UCKL1: variants seen among roughly 807,000 people sequenced by gnomAD.
UCKL1 encodes the protein uridine-cytidine kinase 1 like 1.
A neutral mutation model predicts 59.2 loss-of-function variants in UCKL1; 65 were observed. That is an observed-to-expected ratio of 1.10 (90% CI 0.90 to 1.35). The LOEUF is 1.35. Among genes scored for constraint, UCKL1 ranks in the 40% most tolerant of loss-of-function variants. UCKL1 has a pLI of 0.00. For synonymous variants in UCKL1, 410 were observed against 323.1 expected (o/e 1.27, Z -2.88); for missense variants, 703 against 784.3 (o/e 0.90, Z 1.24).
intron 8 of UCKL1, chr20:63,942,441 ACAG>A: frequency 3.4e-6 from 4 of 1,172,118 alleles, no homozygotes; most frequent in Non-Finnish European, 4.3e-6. Context: ...GGCGGGTCAC[ACAG>A]CAGCACCACG....
rs2146532781 is a variant in UCKL1 at position 63,946,191 on chromosome 20, C to T, written c.381G>A (p.Val127=). 6.2e-7 allele frequency: 1 copy of T among 1,612,040 alleles called. No homozygotes were observed. The highest frequency in any genetic ancestry group is 8.5e-7 in the Non-Finnish European group (1 of 1,179,602). The part of the protein sequence containing the change: ...MIIEALDVPW[V]VLLSMDSFYK... ...AGAAGGAGTCCATGGACAGCAAGAC[C>T]ACCCAGGGCACATCCAGGGCCTCGA... Residue 127 remains valine (V), a synonymous_variant, in exon 3 of 15, where the codon GTG becomes GTA. Transcript: ENST00000354216.
In UCKL1 at chr20:63,941,181, G is replaced by A. The variant is rs1425711195; in HGVS notation, c.951C>T (p.Cys317=). 1.3e-6 allele frequency: 2 copies of A among 1,562,200 alleles called. No homozygotes were observed. The highest frequency in any genetic ancestry group is 1.9e-5 in the Admixed American group (1 of 53,130). ...CGCTCAGCGTCCGGGGCAGCGGGTGGCACTGGTGTGCCGAGGCCAGCGCAG... is the reference window on the plus strand; with the variant it reads ...CGCTCAGCGTCCGGGGCAGCGGGTGACACTGGTGTGCCGAGGCCAGCGCAG... ...VRAALASAHQ[C]HPLPRTLSVL... is the part of the protein sequence containing the mutation. Residue 317 remains cysteine, a synonymous_variant, in exon 9 of 15, where the codon TGC becomes TGT. Transcript: ENST00000354216.
intron 8 of UCKL1, among the ~76,000 whole-genome samples, chr20:63,943,175 G>A (rs1486918395): frequency 6.6e-6 from 1 of 152,250 alleles, no homozygotes; most frequent in Non-Finnish European, 1.5e-5. Flanking sequence ...CGAGGACAGA[G>A]CTGGGGCAAG....
chr20:63,955,972 C>T (rs990696634), intron 1 of UCKL1: 5 of 292,970 alleles, frequency 1.7e-5, no homozygotes, highest in South Asian at 1.2e-4. Flanking sequence ...GCGCTCGAGG[C>T]CGAGGGCCCC....
chr20:63,946,749 T>C, intron 1 of UCKL1, 106 bp from the exon 2 acceptor site: 1 of 1,235,840 alleles, frequency 8.1e-7, no homozygotes, highest in South Asian at 1.4e-5. Context: ...TCAACAGGCA[T>C]GGCTGAGGCG....
At chr20:63,952,312 G>A (rs933804378) in intron 1 of UCKL1, among the ~76,000 whole-genome samples, 7 of 152,232 alleles carry the variant, frequency 4.6e-5, no homozygotes, top group Non-Finnish European at 7.3e-5. Context: ...TGCCCTAGCC[G>A]GCCAAGAGGC....
At chr20:63,946,815 T>C (rs564207396) in intron 1 of UCKL1, among the ~76,000 whole-genome samples, 172 bp from the exon 2 acceptor site, 79 of 152,150 alleles carry the variant, frequency 5.2e-4, no homozygotes, top group East Asian at 1.7e-3. Context: ...TGGTGGCTCA[T>C]GCCTGTAATC....
At position 63,945,656 on chromosome 20, in the gene UCKL1, A is replaced by G; in HGVS notation, c.649T>C (p.Leu217=). The change falls in exon 5 of 15, where the codon TTG becomes CTG. Residue 217 remains leucine (L), a synonymous_variant. Transcript: ENST00000354216. ...GIMAFADKTL[L]ELLDMKIFVD... The stretch of plus-strand genomic sequence containing the variant: ...TATTCCCGGCGGGTGCTTACCTCCA[A>G]CAGTGTCTTGTCAGCAAAGGCCATG... 1.2e-6 allele frequency: 2 copies of G among 1,612,904 alleles called. No individual in the cohort carries two copies. The highest frequency in any genetic ancestry group is 8.5e-7 in the Non-Finnish European group (1 of 1,179,830).
At chr20:63,941,375 C>A (rs2054348380) in intron 8 of UCKL1, 167 bp from the exon 9 acceptor site, 2 of 1,074,724 alleles carry the variant, frequency 1.9e-6, no homozygotes, top group Admixed American at 2.7e-5. Flanking sequence ...GGGGAGACGT[C>A]GCCCTACCTG....
chr20:63,951,284 T>A, intron 1 of UCKL1: 1 of 827,030 alleles, frequency 1.2e-6, no homozygotes, highest in Non-Finnish European at 1.5e-6. Flanking sequence ...AACTGCCCCC[T>A]CCTGTGTGTG....
At position 63,944,652 on chromosome 20, in the gene UCKL1, C is replaced by G; in HGVS notation, c.737G>C (p.Gly246Ala). 1 of 1,612,886 alleles carries G rather than the reference C, an allele frequency of 6.2e-7. No individual in the cohort carries two copies. Among genetic ancestry groups the G allele is most frequent in the East Asian group, 2.2e-5 (1 of 44,886 alleles). Residue 246 changes from glycine (G) to alanine (A), a missense_variant, in exon 6 of 15, where the codon GGC becomes GCC. Physicochemically the swap from Gly to Ala is moderately conservative, Grantham distance 60. This residue lies in a region of UCKL1 where 398 missense variants were observed against 373.0 expected (regional missense o/e 1.07). Coordinates refer to ENST00000354216, the MANE Select transcript of UCKL1 (RefSeq NM_017859.4). ...CTTGATGACACCCTCGATGTCCCGG[C>G]CGCGCTCACTGATGTCCCGGCGCAG... ...RRLRRDISER[G>A]RDIEGVIKQY...
chr20:63,950,640 A>G, intron 1 of UCKL1: 1 of 1,207,160 alleles, frequency 8.3e-7, no homozygotes, highest in African/African-American at 1.6e-5. Flanking sequence ...GCCCGAGAGC[A>G]CCTGCCAGCC....
At chr20:63,942,681 T>A in intron 8 of UCKL1, 1 of 503,284 alleles carries the variant, frequency 2.0e-6, no homozygotes, top group Non-Finnish European at 4.1e-6. Context: ...GACCAAGGCT[T>A]CCTGGGGCTG....
intron 8 of UCKL1, chr20:63,942,685 G>A (rs766727538): frequency 4.0e-6 from 2 of 501,858 alleles, no homozygotes; most frequent in Non-Finnish European, 8.3e-6. Flanking sequence ...AAGGCTTCCT[G>A]GGGCTGAAGG....
At chr20:63,950,864 T>C (rs1242834315) in intron 1 of UCKL1, 1 of 1,476,392 alleles carries the variant, frequency 6.8e-7, no homozygotes, top group Non-Finnish European at 9.0e-7. Context: ...AACAGCAGAG[T>C]GGCCCCAGGG....
chr20:63,947,207 G>A (rs958871405), intron 1 of UCKL1, among the ~76,000 whole-genome samples: 1 of 152,200 alleles, frequency 6.6e-6, no homozygotes, highest in African/African-American at 2.4e-5. Flanking sequence ...CAGCAAACAA[G>A]GACAAGGGAA....
rs375190646 is a variant in UCKL1, at chr20:63,940,124, C to T, written c.1567+26G>A. ...GGGCCACCCACCCTGCCCTCATGTGCGGCTGAAGGGCCCGGGCAGCCTCAC... is the reference window on the plus strand; with the variant it reads ...GGGCCACCCACCCTGCCCTCATGTGTGGCTGAAGGGCCCGGGCAGCCTCAC... On this transcript the variant is annotated intron_variant, in intron 14 of 14. Coordinates refer to ENST00000354216, the MANE Select transcript of UCKL1 (RefSeq NM_017859.4). 1.1e-4 allele frequency: 175 copies of T among 1,611,818 alleles called. 2 individuals carry two copies. In the South Asian group the frequency reaches 1.7e-3, roughly 16 times the overall value.
At chr20:63,944,358 G>T in intron 7 of UCKL1, 39 bp downstream of exon 7, 1 of 1,530,528 alleles carries the variant, frequency 6.5e-7, no homozygotes, top group South Asian at 1.2e-5. Context: ...GGGTAGAGGG[G>T]CTGGGGGCTA....
In UCKL1 at chr20:63,945,968, G is replaced by A; in HGVS notation, c.419C>T (p.Thr140Ile). The A allele has an allele frequency of 6.2e-7, 1 of 1,613,760 alleles. No individual in the cohort carries two copies. The highest frequency in any genetic ancestry group is 8.5e-7 in the Non-Finnish European group (1 of 1,179,976). ...TGCGGCCTGTTCCTGCTGCTGCTCA[G>A]TCAGCACCTGGTGGGGGAGGCTGTG... ...LSMDSFYKVLTEQQQEQAAHN... is the reference protein window; with the variant it reads ...LSMDSFYKVLIEQQQEQAAHN... Residue 140 changes from threonine (T) to isoleucine (I), a missense_variant, in exon 4 of 15, where the codon ACT (threonine) becomes ATT (isoleucine). By Grantham distance (89) the Thr-to-Ile change is moderately conservative (BLOSUM62 -1). Transcript: ENST00000354216.
Sources: allele counts gnomAD v4.1 joint callset (sites outside exome capture counted in the v4.1 genomes callset), GRCh38; gene constraint gnomAD v4.1.1; regional missense constraint gnomAD v4.1.1; transcripts MANE v1.5; gene names NCBI Gene and HGNC (gene_info 2026-07-23, HGNC 2026-07-21).